Variants in EPCAM observed in about 807,000 individuals in gnomAD.
The protein encoded by EPCAM is adenocarcinoma-associated antigen.
In EPCAM, 39 loss-of-function variants were observed where a neutral mutation model predicts 40.0. The observed-to-expected ratio is 0.98, with a 90% CI of 0.76 to 1.27. The LOEUF is 1.27. Among genes scored for constraint, EPCAM ranks in the 50% most tolerant of loss-of-function variants. EPCAM has a pLI of 0.00. For synonymous variants in EPCAM, 168 were observed against 132.3 expected, an observed-to-expected ratio of 1.27 and a Z score of -1.85; for missense variants, 503 against 381.2, an observed-to-expected ratio of 1.32 and a Z score of -2.66.
intron 7 of EPCAM, among the ~76,000 whole-genome samples, chr2:47,384,750 A>G (rs1373012753): frequency 6.6e-6 from 1 of 152,156 alleles, no homozygotes; most frequent in East Asian, 1.9e-4. Flanking sequence ...TCTGTAGCCC[A>G]GGCTGGAGAG....
At chr2:47,381,184 G>A (rs1429891810) in intron 7 of EPCAM, among the ~76,000 whole-genome samples, 1 of 149,856 alleles carries the variant, frequency 6.7e-6, no homozygotes, top group Admixed American at 6.7e-5. Context: ...ATCACCCGAG[G>A]TCGGGAGTTC....
Position 47,369,484 on chromosome 2 carries a change from C to G in EPCAM, c.-22C>G. 1.3e-6 allele frequency: 2 copies of G among 1,519,754 alleles called. No homozygotes were observed. The highest frequency in any genetic ancestry group is 1.8e-6 in the Non-Finnish European group (2 of 1,138,146). 94.1% of individuals were successfully genotyped at this position (1,519,754 alleles called of 1,614,324 possible). A position where few individuals can be genotyped will look rare whatever the true frequency, so the allele number is the denominator to read the frequency against. On this transcript the variant is annotated 5_prime_UTR_variant, in exon 1 of 9. Transcript: ENST00000263735. ...CGAGTCCCGGGCCCCTCCCGCGCCCCTCTTCTCGGCGCGCGCGCAGCATGG... is the reference window on the plus strand; with the variant it reads ...CGAGTCCCGGGCCCCTCCCGCGCCCGTCTTCTCGGCGCGCGCGCAGCATGG...
At position 47,379,976 on chromosome 2, in the gene EPCAM, A is replaced by G. The variant is rs769956389; in HGVS notation, c.858+7A>G. On this transcript the variant is annotated splice_region_variant and intron_variant, in intron 7 of 8. Coordinates refer to ENST00000263735, the MANE Select transcript of EPCAM (RefSeq NM_002354.3). Reference sequence around the variant, plus strand: ...TGCTGGAATTGTTGTGCTGGTGAGTACAGAACAAGTAAAATTTCATTTAAG... The same window carrying G: ...TGCTGGAATTGTTGTGCTGGTGAGTGCAGAACAAGTAAAATTTCATTTAAG... The G allele has an allele frequency of 6.2e-7, 1 of 1,606,982 alleles. No homozygotes were observed. The highest frequency in any genetic ancestry group is 1.7e-5 in the Admixed American group (1 of 58,864).
In EPCAM at chr2:47,375,453, G is replaced by T. The variant is rs754078333; in HGVS notation, c.491+154G>T. Among the ~76,000 whole-genome samples the T allele has an allele frequency of 2.0e-5, 3 of 152,086 alleles. No homozygotes were observed. The South Asian group carries it at 6.2e-4, about 31-fold the overall frequency. On this transcript the variant is annotated intron_variant, in intron 4 of 8. Coordinates refer to ENST00000263735, the MANE Select transcript of EPCAM (RefSeq NM_002354.3). ...TTGCAAGAATAGCACAGAGATTCTG[G>T]GAATACACTTCACTCAGATTCACCA... is the stretch of plus-strand genomic sequence containing the variant.
chr2:47,377,408 TG>T (rs1301303127), intron 5 of EPCAM, among the ~76,000 whole-genome samples: 2 of 152,010 alleles, frequency 1.3e-5, no homozygotes, highest in African/African-American at 4.8e-5. Context: ...AGCTAATTTT[TG>T]TATTTTTAGT....
intron 6 of EPCAM, 91 bp from the exon 7 acceptor site, chr2:47,379,678 G>A: frequency 7.0e-7 from 1 of 1,425,116 alleles, no homozygotes; most frequent in Non-Finnish European, 9.7e-7. Flanking sequence ...CTTGGCAGCG[G>A]TTCTTTTGGC....
chr2:47,385,356 G>A, intron 8 of EPCAM, 146 bp downstream of exon 8: 1 of 716,092 alleles, frequency 1.4e-6, no homozygotes, highest in South Asian at 1.5e-5. Flanking sequence ...GTCTTAGAAT[G>A]TACTCTTACC....
rs566934817 is a variant in EPCAM, at chr2:47,373,426, C to G, written c.77-37C>G. 5 of 1,310,290 alleles carry G rather than the reference C, an allele frequency of 3.8e-6. No individual in the cohort carries two copies. The East Asian group carries it at 9.6e-5, about 25-fold the overall frequency. 81.2% of individuals were successfully genotyped at this position (1,310,290 alleles called of 1,614,324 possible). ...AGCTGGGACATGAGAGTTAATAGAT[C>G]CACATTTTAAAGTAGATTTTTTTTT... On this transcript the variant is annotated intron_variant, in intron 1 of 8. Transcript: ENST00000263735.
rs864622463 is a variant in EPCAM, at chr2:47,379,801, A to G, written c.690A>G (p.Lys230=). 4.3e-6 allele frequency: 7 copies of G among 1,613,896 alleles called. No homozygotes were observed. Among genetic ancestry groups the G allele is most frequent in the Non-Finnish European group, 5.9e-6 (7 of 1,179,956 alleles). The change falls in exon 7 of 9, where the codon AAA becomes AAG. Residue 230 remains lysine, a synonymous_variant. Coordinates refer to ENST00000263735, the MANE Select transcript of EPCAM (RefSeq NM_002354.3). Reference sequence around the variant, plus strand: ...GTGAATCCTTGTTTCATTCTAAGAAAATGGACCTGACAGTAAATGGGGAAC... The same window carrying G: ...GTGAATCCTTGTTTCATTCTAAGAAGATGGACCTGACAGTAAATGGGGAAC... ...VKGESLFHSK[K]MDLTVNGEQL... is the part of the protein sequence containing the mutation.
rs1671155893 is a variant in EPCAM, at chr2:47,369,442, C to T, written c.-64C>T. 9 of 1,347,192 alleles carry T rather than the reference C, an allele frequency of 6.7e-6. No homozygotes were observed. In the South Asian group the frequency reaches 1.5e-4, roughly 23 times the overall value. The allele number at this position is 1,347,192 out of a possible 1,614,324, so 83.5% of individuals were successfully genotyped here. On this transcript the variant is annotated 5_prime_UTR_variant, in exon 1 of 9. Transcript: ENST00000263735. Reference sequence around the variant, plus strand: ...CGGCCGGCTCCTCGTGTCCCACTCCCGGCGCACGCCCTCCCGCGAGTCCCG... The same window carrying T: ...CGGCCGGCTCCTCGTGTCCCACTCCTGGCGCACGCCCTCCCGCGAGTCCCG...
At chr2:47,380,074 G>T in intron 7 of EPCAM, 105 bp downstream of exon 7, 1 of 1,531,980 alleles carries the variant, frequency 6.5e-7, no homozygotes, top group Non-Finnish European at 8.8e-7. Flanking sequence ...CCTACACTTT[G>T]GGAGGCTGAG....
intron 5 of EPCAM, chr2:47,377,813 T>C (rs1188116833): frequency 2.2e-6 from 1 of 446,682 alleles, no homozygotes; most frequent in Non-Finnish European, 4.5e-6. Flanking sequence ...AGTTAGCCCT[T>C]ACTTAACTCT....
intron 1 of EPCAM, 146 bp from the exon 2 acceptor site, chr2:47,373,317 A>G (rs1374221813): frequency 5.1e-5 from 32 of 626,612 alleles, no homozygotes; most frequent in Non-Finnish European, 1.1e-5. Context: ...GCAGTAGTCT[A>G]TAGCTGAAAA....
At position 47,386,735 on chromosome 2, in the gene EPCAM, T is replaced by G; in HGVS notation, c.*122T>G. ...GTTTGTTAGTTTAACATCATATATT[T>G]GTAATAGTGAAACCTGTACTCAAAA... On this transcript the variant is annotated 3_prime_UTR_variant, in exon 9 of 9. Transcript: ENST00000263735. 2.6e-6 allele frequency: 2 copies of G among 765,396 alleles called. No homozygotes were observed. Among genetic ancestry groups the G allele is most frequent in the Non-Finnish European group, 4.5e-6 (2 of 445,484 alleles). The allele number at this position is 765,396 out of a possible 1,614,324, so 47.4% of individuals were successfully genotyped here. A position where few individuals can be genotyped will look rare whatever the true frequency, so the allele number is the denominator to read the frequency against.
rs537973815 is a variant in EPCAM, at chr2:47,369,620, G to A, written c.76+39G>A. ...TGGAGCAGAGTTGTGGAGCTGGGCT[G>A]GGCTGGGGGGCAGCGGCCCCCGGCC... On this transcript the variant is annotated intron_variant, in intron 1 of 8. Coordinates refer to ENST00000263735, the MANE Select transcript of EPCAM (RefSeq NM_002354.3). The A allele has an allele frequency of 1.5e-5, 24 of 1,554,384 alleles. No individual in the cohort carries two copies. In the South Asian group the frequency reaches 2.6e-4, roughly 17 times the overall value.
rs372357827 is a variant in EPCAM at position 47,385,222 on chromosome 2, A to G, written c.903+12A>G. 3.7e-6 allele frequency: 6 copies of G among 1,607,666 alleles called. No homozygotes were observed. The highest frequency in any genetic ancestry group is 1.7e-5 in the Admixed American group (1 of 59,978). ...ATGAGAAGGCTGAGGTAAATGGATT[A>G]CTTACCTAAATAGAAAGGCCCTGTT... is the stretch of plus-strand genomic sequence containing the variant. On this transcript the variant is annotated intron_variant, in intron 8 of 8. Transcript: ENST00000263735.
Position 47,373,586 on chromosome 2 carries a change from T to C in EPCAM, c.184+16T>C. 1 of 1,567,136 alleles carries C rather than the reference T, an allele frequency of 6.4e-7. No homozygotes were observed. Among genetic ancestry groups the C allele is most frequent in the Non-Finnish European group, 8.8e-7 (1 of 1,137,694 alleles). On this transcript the variant is annotated intron_variant, in intron 2 of 8. Coordinates refer to ENST00000263735, the MANE Select transcript of EPCAM (RefSeq NM_002354.3). ...TGCTCAAAGCGTGAGTAAAATATCCTAATTACCTGTAAGCTTTATTTTGAC... is the reference window on the plus strand; with the variant it reads ...TGCTCAAAGCGTGAGTAAAATATCCCAATTACCTGTAAGCTTTATTTTGAC...
intron 1 of EPCAM, among the ~76,000 whole-genome samples, chr2:47,371,089 T>TC (rs1449612321): frequency 1.3e-5 from 2 of 152,042 alleles, no homozygotes; most frequent in African/African-American, 2.4e-5. Flanking sequence ...AAGTGATCAC[T>TC]CCGTCTGGGC....
chr2:47,382,205 G>T (rs1217471723), intron 7 of EPCAM, among the ~76,000 whole-genome samples: 1 of 152,116 alleles, frequency 6.6e-6, no homozygotes, highest in African/African-American at 2.4e-5. Context: ...TATACAAAGA[G>T]TTCTTACAAA....
Sources: gnomAD v4.1 joint callset for allele counts (sites outside exome capture counted in the v4.1 genomes callset) on GRCh38, gnomAD v4.1.1 for gene constraint, MANE v1.5 for transcripts, NCBI Gene and HGNC (gene_info 2026-07-23, HGNC 2026-07-21) for gene names.